Variants in CDH18 observed in about 807,000 individuals in gnomAD.
CDH18 encodes the protein cadherin-18.
In CDH18, 31 loss-of-function variants were observed where a neutral mutation model predicts 67.9. The observed-to-expected ratio is 0.46, with a 90% CI of 0.34 to 0.62. CDH18 has a LOEUF of 0.62. Ranked by LOEUF, CDH18 falls within the 20% of genes least tolerant of loss-of-function variation. The probability of loss-of-function intolerance (pLI) is 0.01; values close to 1 mark genes in which losing one functional copy is unlikely to be tolerated. For synonymous variants in CDH18, 362 were observed against 347.2 expected, an observed-to-expected ratio of 1.04 and a Z score of -0.48; for missense variants, 890 against 975.5, an observed-to-expected ratio of 0.91 and a Z score of 1.17.
chr5:19,813,893 T>C (rs868750725), intron 3 of CDH18, among the ~76,000 whole-genome samples: 1 of 152,064 alleles, frequency 6.6e-6, no homozygotes, highest in Non-Finnish European at 1.5e-5. Context: ...GAAGCTTTTT[T>C]TTGGAAGCTT....
rs549021953 is a variant in CDH18, at chr5:20,559,274, C to A, written c.-580+16188G>T. ...TGGTAAACATCAGTTCATCTCCTAT[C>A]TAATAGTGTGATGACAACTTCCTCC... On this transcript the variant is annotated intron_variant, in intron 1 of 14. Coordinates refer to the CDH18 transcript ENST00000507958. 9.9e-5 allele frequency among the ~76,000 whole-genome samples: 15 copies of A among 152,142 alleles called. No individual in the cohort carries two copies. The South Asian group carries it at 2.5e-3, about 25-fold the overall frequency.
intron 1 of CDH18, among the ~76,000 whole-genome samples, chr5:20,396,844 T>C (rs1038390506): frequency 1.3e-5 from 2 of 152,192 alleles, no homozygotes; most frequent in Non-Finnish European, 2.9e-5. Flanking sequence ...AACACTTAGA[T>C]TTATTTGTTT....
At chr5:19,563,093 T>C (rs1423981642) in intron 8 of CDH18, among the ~76,000 whole-genome samples, 3 of 152,218 alleles carry the variant, frequency 2.0e-5, no homozygotes, top group Admixed American at 1.3e-4. Flanking sequence ...ATTTGCTTAA[T>C]GGCTCTCTGA....
At chr5:19,880,382 C>G (rs1211121868) in intron 2 of CDH18, among the ~76,000 whole-genome samples, 1 of 151,954 alleles carries the variant, frequency 6.6e-6, no homozygotes, top group Non-Finnish European at 1.5e-5. Flanking sequence ...TAATTTTAAA[C>G]AAGAAGAAGC....
chr5:19,479,173 T>A (rs1738984526), intron 12 of CDH18, among the ~76,000 whole-genome samples: 7 of 152,218 alleles, frequency 4.6e-5, no homozygotes, highest in Admixed American at 4.6e-4. Flanking sequence ...AAAAACTGAA[T>A]GTGTGGCTTT....
chr5:20,379,716 C>G lies in CDH18; in HGVS notation c.-579-124211G>C, dbSNP rs895018489. Among the ~76,000 whole-genome samples the G allele has an allele frequency of 2.0e-5, 3 of 151,832 alleles. No homozygotes were observed. The East Asian group carries it at 5.8e-4, about 29-fold the overall frequency. Reference sequence around the variant, plus strand: ...AGGATTTTATTTTGAAGGACAGATTCAGCATGTAGCCATTAAAGATCAGGC... The same window carrying G: ...AGGATTTTATTTTGAAGGACAGATTGAGCATGTAGCCATTAAAGATCAGGC... On this transcript the variant is annotated intron_variant, in intron 1 of 14. Coordinates refer to the CDH18 transcript ENST00000507958.
chr5:20,497,126 T>C (rs944764803), intron 1 of CDH18, among the ~76,000 whole-genome samples: 1 of 151,990 alleles, frequency 6.6e-6, no homozygotes, highest in African/African-American at 2.4e-5. Flanking sequence ...TGAATTAATG[T>C]CATAAAGGCC....
At chr5:20,366,422 C>A (rs548744432) in intron 1 of CDH18, among the ~76,000 whole-genome samples, 2 of 152,064 alleles carry the variant, frequency 1.3e-5, no homozygotes, top group Non-Finnish European at 2.9e-5. Context: ...TTAACTATTG[C>A]GATAACTTTT....
chr5:20,247,865 T>C (rs964313647), intron 2 of CDH18, among the ~76,000 whole-genome samples: 2 of 152,000 alleles, frequency 1.3e-5, no homozygotes, highest in African/African-American at 4.8e-5. Flanking sequence ...AGCTAAATAA[T>C]TAGTAGTAGA....
Position 20,573,628 on chromosome 5 carries a change from AT to A in CDH18, c.-580+1833del, listed in dbSNP as rs201484048. On this transcript the variant is annotated intron_variant, in intron 1 of 14. Coordinates refer to the CDH18 transcript ENST00000507958. ...AGCAATAATACAATTATTAAAAGCA[AT>A]CTGAATATTATAAGCAAAACAATAA... Among the ~76,000 whole-genome samples, 717 of 151,160 alleles carry A rather than the reference AT, an allele frequency of 4.7e-3. 8 individuals are homozygous for A. The highest frequency in any genetic ancestry group is 0.016 in the African/African-American group (683 of 41,416).
intron 1 of CDH18, among the ~76,000 whole-genome samples, chr5:20,492,661 A>G (rs1055437785): frequency 6.6e-6 from 1 of 152,224 alleles, no homozygotes; most frequent in African/African-American, 2.4e-5. Flanking sequence ...AATAAGAAAA[A>G]GAAAGTTTGA....
chr5:19,509,770 A>T (rs1289004682), intron 10 of CDH18, among the ~76,000 whole-genome samples: 1 of 152,152 alleles, frequency 6.6e-6, no homozygotes, highest in Non-Finnish European at 1.5e-5. Flanking sequence ...TTATTTTTTC[A>T]ATGTTTCCAC....
At chr5:20,444,794 CT>C (rs935420440) in intron 1 of CDH18, among the ~76,000 whole-genome samples, 11 of 117,104 alleles carry the variant, frequency 9.4e-5, no homozygotes, top group Non-Finnish European at 1.6e-4. Context: ...TTTTTTTTTT[CT>C]GGCCATCACC....
In CDH18 at chr5:20,367,666, GA is replaced by G. The variant is rs1451613631; in HGVS notation, c.-579-112162del. Among the ~76,000 whole-genome samples the G allele has an allele frequency of 3.9e-5, 6 of 152,090 alleles. No homozygotes were observed. The East Asian group carries it at 1.2e-3, about 29-fold the overall frequency. On this transcript the variant is annotated intron_variant, in intron 1 of 14. Transcript: ENST00000507958. ...TTCCTATGAAGAAATATACATAAAG[GA>G]AATGCAAAGGGAAGTAAAAACAAGA...
chr5:20,215,684 T>C (rs1740713215), intron 2 of CDH18, among the ~76,000 whole-genome samples: 1 of 151,950 alleles, frequency 6.6e-6, no homozygotes, highest in Non-Finnish European at 1.5e-5. Flanking sequence ...TGTATGTTTA[T>C]TGAAGCATTA....
intron 5 of CDH18, among the ~76,000 whole-genome samples, chr5:19,719,015 G>C (rs897785393): frequency 2.6e-5 from 4 of 151,896 alleles, no homozygotes; most frequent in Non-Finnish European, 5.9e-5. Context: ...AACACTATTA[G>C]AGCATTGGTC....
chr5:20,252,799 T>C (rs915487750), intron 2 of CDH18, among the ~76,000 whole-genome samples: 1 of 151,754 alleles, frequency 6.6e-6, no homozygotes, highest in South Asian at 2.1e-4. Context: ...TAGCCGGGCG[T>C]GGTGGTGGGC....
At chr5:19,849,843 C>A (rs1369899245) in intron 2 of CDH18, among the ~76,000 whole-genome samples, 1 of 150,660 alleles carries the variant, frequency 6.6e-6, no homozygotes, top group Non-Finnish European at 1.5e-5. Context: ...TCCATATACT[C>A]CACTAGATGC....
At chr5:19,528,283 T>A (rs994148147) in intron 9 of CDH18, among the ~76,000 whole-genome samples, 2 of 151,868 alleles carry the variant, frequency 1.3e-5, no homozygotes, top group African/African-American at 2.4e-5. Flanking sequence ...TACCTTGTGA[T>A]GAACTTTTAT....
Sources: gnomAD v4.1 joint callset for allele counts (sites outside exome capture counted in the v4.1 genomes callset) on GRCh38, gnomAD v4.1.1 for gene constraint, MANE v1.5 for transcripts, NCBI Gene and HGNC (gene_info 2026-07-23, HGNC 2026-07-21) for gene names.